Variants in CASZ1 observed in about 807,000 individuals in gnomAD.
The protein encoded by CASZ1 is zinc finger protein castor homolog 1.
CASZ1 carries 28 observed loss-of-function variants against 135.2 expected under a neutral mutation model. The ratio of observed to expected loss-of-function variants is 0.21; its 90% CI spans 0.15 to 0.28. The LOEUF (loss-of-function observed/expected upper bound fraction) is 0.28, where lower values mean the gene tolerates loss of function less well. Among genes scored for constraint, CASZ1 ranks in the 10% least tolerant of loss-of-function variants. CASZ1 has a pLI of 1.00. For missense variants in CASZ1, 2,161 were observed against 2,453.3 expected (o/e 0.88, Z 2.52); for synonymous variants, 1,068 against 1,073.4 (o/e 0.99, Z 0.10).
chr1:10,675,694 C>T (rs1643546279), intron 4 of CASZ1, among the ~76,000 whole-genome samples: 1 of 152,132 alleles, frequency 6.6e-6, no homozygotes, highest in South Asian at 2.1e-4. Context: ...GGTACCCCTA[C>T]CCCTGCCTCT....
chr1:10,789,208 C>A (rs1228698824), intron 1 of CASZ1, among the ~76,000 whole-genome samples: 1 of 149,122 alleles, frequency 6.7e-6, no homozygotes, highest in Non-Finnish European at 1.5e-5. Context: ...CTGCTCCTTG[C>A]TCCTAGCAAA....
intron 18 of CASZ1, among the ~76,000 whole-genome samples, chr1:10,643,819 C>A (rs1208688746): frequency 6.6e-6 from 1 of 152,228 alleles, no homozygotes; most frequent in African/African-American, 2.4e-5. Context: ...GGCGCCCAGG[C>A]CGGCCAGGTG....
At chr1:10,670,885 CTTCCCTCTTGGACCCAA>C (rs1031617633) in intron 4 of CASZ1, among the ~76,000 whole-genome samples, 4 of 152,144 alleles carry the variant, frequency 2.6e-5, no homozygotes, top group Admixed American at 2.6e-4. Context: ...GAAGGGAGTC[CTTCCCTCTTGGACCCAA>C]TTCTATCCCC....
intron 4 of CASZ1, among the ~76,000 whole-genome samples, chr1:10,673,520 G>T (rs1490271717): frequency 6.6e-6 from 1 of 152,056 alleles, no homozygotes; most frequent in African/African-American, 2.4e-5. Context: ...TGCTGGGGAG[G>T]GGGGCTGAGG....
chr1:10,773,118 G>A lies in CASZ1; in HGVS notation c.-233-12261C>T, dbSNP rs573721905. Among the ~76,000 whole-genome samples, 217 of 152,216 alleles carry A rather than the reference G, an allele frequency of 1.4e-3. 2 individuals are homozygous for A. The highest frequency in any genetic ancestry group is 5.1e-3 in the African/African-American group (212 of 41,538). ...GGTGGGAACCCAGACCCAAGCCCAC[G>A]ACAGATCCTGCTGGGTACAGCTTCA... is the stretch of plus-strand genomic sequence containing the variant. On this transcript the variant is annotated intron_variant, in intron 1 of 20. Coordinates refer to ENST00000377022, the MANE Select transcript of CASZ1 (RefSeq NM_001079843.3).
intron 2 of CASZ1, among the ~76,000 whole-genome samples, chr1:10,758,737 C>T (rs965694013): frequency 3.3e-5 from 5 of 152,192 alleles, no homozygotes; most frequent in Non-Finnish European, 4.4e-5. Context: ...ACCAGACCTA[C>T]GCACAGGCTT....
In CASZ1 at chr1:10,665,287, C is replaced by T; in HGVS notation, c.301G>A (p.Ala101Thr). Reference sequence around the variant, plus strand: ...ATCCGCCCCAACACGGGTGTGGGTGCCGGCTCCTCGCTGTACTCCCCGTTC... The same window carrying T: ...ATCCGCCCCAACACGGGTGTGGGTGTCGGCTCCTCGCTGTACTCCCCGTTC... ...WVNGEYSEEP[A>T]PTPVLGRIAR... is the part of the protein sequence containing the mutation. Residue 101 changes from alanine to threonine, a missense_variant, in exon 5 of 21, where the codon GCA becomes ACA. Around this residue, in one of 7 missense-constraint regions of CASZ1, gnomAD observed 590 missense variants for 609.8 expected, o/e 0.97. Coordinates refer to ENST00000377022, the MANE Select transcript of CASZ1 (RefSeq NM_001079843.3). 1.2e-6 allele frequency: 2 copies of T among 1,612,400 alleles called. No individual in the cohort carries two copies. Among genetic ancestry groups the T allele is most frequent in the Non-Finnish European group, 1.7e-6 (2 of 1,179,032 alleles).
chr1:10,743,344 G>A (rs902868388), intron 2 of CASZ1, among the ~76,000 whole-genome samples: 7 of 151,586 alleles, frequency 4.6e-5, no homozygotes, highest in Non-Finnish European at 7.4e-5. Context: ...CCCCACGGTC[G>A]GAGAAGGAGA....
chr1:10,787,845 C>T (rs1456980138), intron 1 of CASZ1, among the ~76,000 whole-genome samples: 2 of 152,206 alleles, frequency 1.3e-5, no homozygotes, highest in African/African-American at 4.8e-5. Flanking sequence ...TCCGGGCTTC[C>T]CACCGGCTCA....
intron 17 of CASZ1, among the ~76,000 whole-genome samples, chr1:10,645,802 C>A (rs981848493): frequency 5.3e-5 from 8 of 152,030 alleles, no homozygotes; most frequent in Admixed American, 1.3e-4. Context: ...TGGGCCTGTT[C>A]GAAAATTCTA....
At position 10,777,469 on chromosome 1, in the gene CASZ1, G is replaced by T. The variant is rs760726555; in HGVS notation, c.-233-16612C>A. Among the ~76,000 whole-genome samples, 1 of 152,144 alleles carries T rather than the reference G, an allele frequency of 6.6e-6. No homozygotes were observed. The highest frequency in any genetic ancestry group is 2.4e-5 in the African/African-American group (1 of 41,416). ...AGAATTGCCATTCAGCCCCGGATCC[G>T]GCCAGAGCACAGTCTCACTCAGGGT... On this transcript the variant is annotated intron_variant, in intron 1 of 20. Transcript: ENST00000377022. The surrounding 1 kb of genome is among the most constrained non-coding windows in gnomAD (Gnocchi z 4.4).
intron 1 of CASZ1, among the ~76,000 whole-genome samples, chr1:10,796,006 C>T (rs1427968047): frequency 2.6e-5 from 4 of 152,006 alleles, no homozygotes; most frequent in African/African-American, 9.7e-5. Flanking sequence ...GCACCCCTCA[C>T]CCCGCCTCCT....
rs762371267 is a variant in CASZ1, at chr1:10,653,888, G to A, written c.2169C>T (p.Asp723=). ...KDTEHEESSN[D]DLVDFSALSS... Reference sequence around the variant, plus strand: ...TCAGGGCGGAGAAGTCAACAAGGTCGTCGTTGCTGGACTCCTCGTGCTCCG... The same window carrying A: ...TCAGGGCGGAGAAGTCAACAAGGTCATCGTTGCTGGACTCCTCGTGCTCCG... The change falls in exon 11 of 21, where the codon GAC becomes GAT. Residue 723 remains aspartate (D), a synonymous_variant. Transcript: ENST00000377022. 50 of 1,613,210 alleles carry A rather than the reference G, an allele frequency of 3.1e-5. No individual in the cohort carries two copies. The Middle Eastern group carries it at 4.9e-4, about 16-fold the overall frequency.
intron 1 of CASZ1, among the ~76,000 whole-genome samples, chr1:10,778,445 A>G (rs957107205): frequency 6.6e-6 from 1 of 151,938 alleles, no homozygotes; most frequent in Non-Finnish European, 1.5e-5. Context: ...TCCTCATACA[A>G]TCTCATACAG....
At chr1:10,677,827 G>A (rs1206474772) in intron 4 of CASZ1, among the ~76,000 whole-genome samples, 1 of 152,254 alleles carries the variant, frequency 6.6e-6, no homozygotes, top group East Asian at 1.9e-4. Flanking sequence ...CCCTGCTGCG[G>A]AGGATTTGAG....
intron 4 of CASZ1, among the ~76,000 whole-genome samples, chr1:10,674,657 C>G (rs945137191): frequency 6.6e-6 from 1 of 152,236 alleles, no homozygotes; most frequent in African/African-American, 2.4e-5. Context: ...TGATGCTCCA[C>G]GGTGACTGTG....
intron 1 of CASZ1, among the ~76,000 whole-genome samples, chr1:10,766,262 G>A (rs1640477305): frequency 6.6e-6 from 1 of 152,098 alleles, no homozygotes; most frequent in Non-Finnish European, 1.5e-5. Context: ...TGGGCAACAT[G>A]CCACTGTGGT....
At position 10,657,695 on chromosome 1, in the gene CASZ1, C is replaced by A. The variant is rs1399472574; in HGVS notation, c.1409+813G>T. Among the ~76,000 whole-genome samples, 1 of 147,542 alleles carries A rather than the reference C, an allele frequency of 6.8e-6. No homozygotes were observed. The highest frequency in any genetic ancestry group is 1.5e-5 in the Non-Finnish European group (1 of 67,044). On this transcript the variant is annotated intron_variant, in intron 7 of 20. Coordinates refer to ENST00000377022, the MANE Select transcript of CASZ1 (RefSeq NM_001079843.3). The surrounding 1 kb of genome is among the most constrained non-coding windows in gnomAD (Gnocchi z 5.7). The stretch of plus-strand genomic sequence containing the variant: ...ACAGGGGATCGGAGACAGAGTGGGA[C>A]GTGGAGGCGGAGAGACAGAGCGGGC...
intron 1 of CASZ1, among the ~76,000 whole-genome samples, chr1:10,782,965 A>C (rs1175794751): frequency 6.6e-6 from 1 of 152,136 alleles, no homozygotes; most frequent in East Asian, 1.9e-4. Flanking sequence ...CCCACTGCCA[A>C]ATTCTCATTT....
Sources: gnomAD v4.1 joint callset for allele counts (sites outside exome capture counted in the v4.1 genomes callset) on GRCh38, gnomAD v4.1.1 for gene constraint, gnomAD v4.1.1 regional missense constraint, Gnocchi (gnomAD v3.1) non-coding constraint, MANE v1.5 for transcripts, NCBI Gene and HGNC (gene_info 2026-07-23, HGNC 2026-07-21) for gene names.